DBN1: variants seen among roughly 807,000 people sequenced by gnomAD.
The protein encoded by DBN1 is drebrin.
In DBN1, 21 loss-of-function variants were observed where a neutral mutation model predicts 83.5. The ratio of observed to expected loss-of-function variants is 0.25; its 90% CI spans 0.18 to 0.36. The LOEUF (loss-of-function observed/expected upper bound fraction) is 0.36. Among genes scored for constraint, DBN1 ranks in the 10% least tolerant of loss-of-function variants. The probability of loss-of-function intolerance (pLI) is 1.00; values close to 1 mark genes in which losing one functional copy is unlikely to be tolerated. For synonymous variants in DBN1, 381 were observed against 384.9 expected (o/e 0.99, Z 0.12); for missense variants, 874 against 935.7 (o/e 0.93, Z 0.86).
intron 1 of DBN1, among the ~76,000 whole-genome samples, chr5:177,470,512 A>AG (rs1757766636): frequency 6.6e-6 from 1 of 151,932 alleles, no homozygotes; most frequent in African/African-American, 2.4e-5. Context: ...ACCATACCCC[A>AG]GTTCAAACCC....
intron 8 of DBN1, among the ~76,000 whole-genome samples, chr5:177,464,046 C>G (rs1757231333): frequency 6.6e-6 from 1 of 151,658 alleles, no homozygotes; most frequent in Non-Finnish European, 1.5e-5. Flanking sequence ...ACCCAGGAGG[C>G]AGAGGTTGCA....
rs544852180 is a variant in DBN1, at chr5:177,464,582, A to AC, written c.771+2189dup. Among the ~76,000 whole-genome samples, 265 of 151,400 alleles carry AC rather than the reference A, an allele frequency of 1.8e-3. 2 individuals carry two copies. Among genetic ancestry groups the AC allele is most frequent in the African/African-American group, 5.9e-3 (243 of 41,248 alleles). ...AGACCATCCTGGCCAACATGGTGAA[A>AC]CCCCATCTCTACTAAAAAGACAATA... On this transcript the variant is annotated intron_variant, in intron 8 of 14. Coordinates refer to ENST00000393565, the MANE Select transcript of DBN1 (RefSeq NM_001363541.2).
At chr5:177,470,772 C>T (rs1757787165) in intron 1 of DBN1, among the ~76,000 whole-genome samples, 1 of 152,230 alleles carries the variant, frequency 6.6e-6, no homozygotes, top group Non-Finnish European at 1.5e-5. Flanking sequence ...AGAGCACCCA[C>T]CATATCCCAG....
chr5:177,473,393 G>T, intron 1 of DBN1, 43 bp downstream of exon 1: 1 of 1,180,506 alleles, frequency 8.5e-7, no homozygotes, highest in Non-Finnish European at 1.1e-6. Context: ...GCGCGGCGGC[G>T]GCGCGGGGAC....
At chr5:177,459,998 C>A (rs1347585236) in intron 10 of DBN1, among the ~76,000 whole-genome samples, 1 of 152,202 alleles carries the variant, frequency 6.6e-6, no homozygotes, top group Non-Finnish European at 1.5e-5. Context: ...GCAGACAGGG[C>A]AGGGAAGAGC....
At chr5:177,468,996 T>C in intron 1 of DBN1, 97 bp from the exon 2 acceptor site, 2 of 687,186 alleles carry the variant, frequency 2.9e-6, no homozygotes, top group Non-Finnish European at 4.4e-6. Flanking sequence ...ATGGAGTGGG[T>C]AGGACAGGAA....
chr5:177,459,866 G>T (rs1756884652), intron 10 of DBN1, 126 bp from the exon 11 acceptor site: 1 of 1,118,528 alleles, frequency 8.9e-7, no homozygotes, highest in Non-Finnish European at 1.2e-6. Flanking sequence ...TTCAGCCAGG[G>T]GCACAATCAG....
chr5:177,464,142 T>C (rs1162082645), intron 8 of DBN1, among the ~76,000 whole-genome samples: 2 of 149,482 alleles, frequency 1.3e-5, no homozygotes, highest in East Asian at 4.0e-4. Context: ...TAAAAATAAA[T>C]AAATAAATAA....
chr5:177,459,698 G>A lies in DBN1; in HGVS notation c.998C>T (p.Pro333Leu), dbSNP rs778151459. 4.4e-6 allele frequency: 7 copies of A among 1,586,964 alleles called. No homozygotes were observed. In the Admixed American group the frequency reaches 5.4e-5, roughly 12 times the overall value. ...CPFIKASDSG[P>L]SSSSSSSSSP... The stretch of plus-strand genomic sequence containing the variant: ...GGAGGAGGAAGAGGAGGAGGAGGAA[G>A]GCCCACTGTCCGATGCCTTTATGAA... The change falls in exon 11 of 15, where the codon CCT becomes CTT. Residue 333 changes from proline to leucine, a missense_variant. By Grantham distance (98) the Pro-to-Leu change is moderately conservative. Transcript: ENST00000393565.
rs1043385874 is a variant in DBN1 at position 177,459,146 on chromosome 5, T to C, written c.1216A>G (p.Thr406Ala). 27 of 1,610,262 alleles carry C rather than the reference T, an allele frequency of 1.7e-5. No individual in the cohort carries two copies. The Admixed American group carries it at 4.5e-4, about 27-fold the overall frequency. Residue 406 changes from threonine to alanine, a missense_variant, in exon 12 of 15, where the codon ACC (threonine) becomes GCC (alanine). Physicochemically the swap from Thr to Ala is moderately conservative, Grantham distance 58 (BLOSUM62 0). Coordinates refer to ENST00000393565, the MANE Select transcript of DBN1 (RefSeq NM_001363541.2). ...GGCAGTGGTGGAGGCTGCGAGGAGG[T>C]GACCTCATCCAGGGCCCGCTCTATC... Reference protein sequence around the residue: ...EQIERALDEVTSSQPPPLPPP... With the variant: ...EQIERALDEVASSQPPPLPPP...
Position 177,456,952 on chromosome 5 carries a change from T to G in DBN1, c.*481A>C. On this transcript the variant is annotated 3_prime_UTR_variant, in exon 15 of 15. Transcript: ENST00000393565. Reference sequence around the variant, plus strand: ...CCAGGGAGCCAGAGCCCACGAGCCATTTATTGCCATGTTTTAAAATTCGTG... The same window carrying G: ...CCAGGGAGCCAGAGCCCACGAGCCAGTTATTGCCATGTTTTAAAATTCGTG... 6.5e-6 allele frequency: 1 copy of G among 154,636 alleles called. No homozygotes were observed. Among genetic ancestry groups the G allele is most frequent in the South Asian group, 1.8e-4 (1 of 5,620 alleles). The allele number at this position is 154,636 out of a possible 1,614,324, so 9.6% of individuals were successfully genotyped here.
At chr5:177,458,728 G>A (rs1183146019) in intron 12 of DBN1, 21 bp from the exon 13 acceptor site, 8 of 1,493,828 alleles carry the variant, frequency 5.4e-6, no homozygotes, top group Non-Finnish European at 7.1e-6. Flanking sequence ...ACAGGCAGAG[G>A]AGATATGTAA....
rs950609741 is a variant in DBN1, at chr5:177,463,137, C to A, written c.772-2434G>T. 2.0e-5 allele frequency among the ~76,000 whole-genome samples: 3 copies of A among 152,160 alleles called. No homozygotes were observed. In the South Asian group the frequency reaches 6.2e-4, roughly 32 times the overall value. ...CTGCAAGCTCCGCCTCCCGGGTTCA[C>A]GCCATTCTCCTGCCTCAGCCTCCCG... On this transcript the variant is annotated intron_variant, in intron 8 of 14. Coordinates refer to ENST00000393565, the MANE Select transcript of DBN1 (RefSeq NM_001363541.2).
At chr5:177,460,858 C>T (rs1200585917) in intron 8 of DBN1, among the ~76,000 whole-genome samples, 155 bp from the exon 9 acceptor site, 1 of 152,228 alleles carries the variant, frequency 6.6e-6, no homozygotes. Context: ...CGGCTCACTG[C>T]AGCCTCTGCC....
At chr5:177,472,671 G>A in intron 1 of DBN1, 1 of 563,982 alleles carries the variant, frequency 1.8e-6, no homozygotes, top group Non-Finnish European at 2.4e-6. Context: ...GTTCTCCAGA[G>A]GGCTTCCTCC....
At chr5:177,461,097 T>C (rs1324064673) in intron 8 of DBN1, among the ~76,000 whole-genome samples, 1 of 133,748 alleles carries the variant, frequency 7.5e-6, no homozygotes, top group East Asian at 2.1e-4. Flanking sequence ...TGGCCTTCTT[T>C]TTTTTTTTTT....
Position 177,459,215 on chromosome 5 carries a change from T to G in DBN1, c.1147A>C (p.Ser383Arg), listed in dbSNP as rs1421717271. 1.9e-6 allele frequency: 3 copies of G among 1,610,988 alleles called. No individual in the cohort carries two copies. The highest frequency in any genetic ancestry group is 3.4e-5 in the Admixed American group (2 of 59,560). The change falls in exon 12 of 15, where the codon AGC becomes CGC. Residue 383 changes from serine (S) to arginine (R), a missense_variant. By Grantham distance (110) the Ser-to-Arg change is moderately radical. This residue lies in a region of DBN1 where 725 missense variants were observed against 719.7 expected (regional missense o/e 1.01). Coordinates refer to ENST00000393565, the MANE Select transcript of DBN1 (RefSeq NM_001363541.2). ...RMAPTPIPTR[S>R]PSDSSTASTP... Reference sequence around the variant, plus strand: ...GAGGCGGTGCTGGAGTCAGACGGGCTCCGCGTGGGGATGGGAGTGGGCGCC... The same window carrying G: ...GAGGCGGTGCTGGAGTCAGACGGGCGCCGCGTGGGGATGGGAGTGGGCGCC...
At chr5:177,463,647 A>G (rs1156600572) in intron 8 of DBN1, among the ~76,000 whole-genome samples, 1 of 152,192 alleles carries the variant, frequency 6.6e-6, no homozygotes, top group African/African-American at 2.4e-5. Context: ...TACCACACTG[A>G]CCTGCTAGAA....
chr5:177,462,063 C>CGGGT (rs911754033), intron 8 of DBN1, among the ~76,000 whole-genome samples: 6 of 152,130 alleles, frequency 3.9e-5, no homozygotes, highest in African/African-American at 1.2e-4. Context: ...GTGTGCCACC[C>CGGGT]GCTCACCCCC....
Sources: gnomAD v4.1 joint callset for allele counts (sites outside exome capture counted in the v4.1 genomes callset) on GRCh38, gnomAD v4.1.1 for gene constraint, gnomAD v4.1.1 regional missense constraint, MANE v1.5 for transcripts, NCBI Gene and HGNC (gene_info 2026-07-23, HGNC 2026-07-21) for gene names.